Variants in CDKN2B-AS1 observed in about 807,000 individuals in gnomAD.
CDKN2B-AS1 encodes the protein CDKN2B antisense RNA 1 (non-protein coding).
At chr9:22,112,238 G>A (rs181671435) in intron 4 of CDKN2B-AS1, 1 of 152,286 alleles carries the variant, frequency 6.6e-6, no homozygotes, top group East Asian at 1.9e-4. Context: ...CAAAACAAGG[G>A]GTTAAACCAC....
At chr9:22,047,761 A>G (rs1024593095) in intron 2 of CDKN2B-AS1, among the ~76,000 whole-genome samples, 3 of 151,784 alleles carry the variant, frequency 2.0e-5, no homozygotes, top group African/African-American at 4.8e-5. Flanking sequence ...CTGTGGTTAG[A>G]CACTGTTGAT....
intron 1 of CDKN2B-AS1, among the ~76,000 whole-genome samples, chr9:22,024,229 C>T (rs1822133999): frequency 6.6e-6 from 1 of 152,208 alleles, no homozygotes; most frequent in South Asian, 2.1e-4. Flanking sequence ...CTCCCAACTC[C>T]TGGACTGCAT....
chr9:22,124,496 A>C (rs1817988993), intron 4 of CDKN2B-AS1, among the ~76,000 whole-genome samples: 1 of 152,210 alleles, frequency 6.6e-6, no homozygotes, highest in Non-Finnish European at 1.5e-5. Context: ...TGCAGAATCA[A>C]GACAGAGTAG....
intron 4 of CDKN2B-AS1, among the ~76,000 whole-genome samples, chr9:22,098,417 G>T (rs112056351): frequency 6.8e-6 from 1 of 147,436 alleles, no homozygotes; most frequent in Non-Finnish European, 1.5e-5. Context: ...CCATGGGCAA[G>T]AATTTTTTTT....
In CDKN2B-AS1 at chr9:22,076,432, A is replaced by G. The variant is rs184465548; in HGVS notation, n.438+20045A>G. On this transcript the variant is annotated intron_variant and non_coding_transcript_variant, in intron 4 of 4. Coordinates refer to ENST00000650946, the Ensembl canonical transcript of CDKN2B-AS1. ...GAACAGGGTTGTCTAATCAAAATATATAACTATTTATTTTTAATAGCCACA... is the reference window on the plus strand; with the variant it reads ...GAACAGGGTTGTCTAATCAAAATATGTAACTATTTATTTTTAATAGCCACA... Among the ~76,000 whole-genome samples, 449 of 152,358 alleles carry G rather than the reference A, an allele frequency of 2.9e-3. 1 individual carries two copies. Among genetic ancestry groups the G allele is most frequent in the African/African-American group, 0.01 (431 of 41,582 alleles).
At chr9:22,071,514 G>C (rs1824294450) in intron 4 of CDKN2B-AS1, among the ~76,000 whole-genome samples, 1 of 151,966 alleles carries the variant, frequency 6.6e-6, no homozygotes, top group East Asian at 1.9e-4. Context: ...GCTGTCAAAA[G>C]AGCATTGCAT....
intron 4 of CDKN2B-AS1, among the ~76,000 whole-genome samples, chr9:22,057,245 GTTA>G (rs1823609155): frequency 6.6e-6 from 1 of 152,094 alleles, no homozygotes; most frequent in Non-Finnish European, 1.5e-5. Context: ...TCTTCAGTAT[GTTA>G]TAATTTCGTT....
exon 5 of CDKN2B-AS1, among the ~76,000 whole-genome samples, chr9:22,127,851 T>C (rs1818039234): frequency 6.6e-6 from 1 of 152,222 alleles, no homozygotes; most frequent in Non-Finnish European, 1.5e-5. Context: ...ACTTCTCTAG[T>C]ATTGAAGTGA....
chr9:22,048,048 G>C (rs141043892), intron 2 of CDKN2B-AS1, among the ~76,000 whole-genome samples: 2 of 152,054 alleles, frequency 1.3e-5, no homozygotes, highest in African/African-American at 4.8e-5. Context: ...ACCTGCCTCA[G>C]CCTCTCAAAG....
chr9:22,116,206 C>G (rs1360254067), intron 4 of CDKN2B-AS1, among the ~76,000 whole-genome samples: 4 of 152,144 alleles, frequency 2.6e-5, no homozygotes, highest in Admixed American at 6.5e-5. Context: ...ACAAGGTAGT[C>G]TGTACTCCCC....
intron 4 of CDKN2B-AS1, among the ~76,000 whole-genome samples, chr9:22,122,060 A>AC (rs1554682028): frequency 6.9e-6 from 1 of 145,492 alleles, no homozygotes; most frequent in Non-Finnish European, 1.5e-5. Flanking sequence ...AGCATTTGTT[A>AC]TTTTTTTTTT....
chr9:22,041,002 T>A (rs1374663858), intron 1 of CDKN2B-AS1, among the ~76,000 whole-genome samples: 1 of 151,950 alleles, frequency 6.6e-6, no homozygotes, highest in Non-Finnish European at 1.5e-5. Context: ...AGAATCAGAT[T>A]TGATTTCTCT....
chr9:22,105,382 A>T (rs1825622847), intron 4 of CDKN2B-AS1, among the ~76,000 whole-genome samples: 2 of 152,216 alleles, frequency 1.3e-5, no homozygotes, highest in African/African-American at 4.8e-5. Context: ...CAAGTTGTGC[A>T]GCACTTGGGT....
chr9:22,058,778 C>G (rs1250896262), intron 4 of CDKN2B-AS1: 1 of 163,116 alleles, frequency 6.1e-6, no homozygotes, highest in African/African-American at 2.4e-5. Context: ...GATAAAGACC[C>G]AAAATTGGGA....
At position 22,001,833 on chromosome 9, in the gene CDKN2B-AS1, C is replaced by G. The variant is rs1468382368; in HGVS notation, n.29+6672C>G. Reference sequence around the variant, plus strand: ...GTAGTAGAGATGTTACATGAGTTAGCACTCATATATTGAATTAGTTAAGGA... The same window carrying G: ...GTAGTAGAGATGTTACATGAGTTAGGACTCATATATTGAATTAGTTAAGGA... On this transcript the variant is annotated intron_variant and non_coding_transcript_variant, in intron 1 of 4. Coordinates refer to ENST00000650946, the Ensembl canonical transcript of CDKN2B-AS1. The surrounding 1 kb of genome is among the most constrained non-coding windows in gnomAD (Gnocchi z 4.2). 6.6e-6 allele frequency among the ~76,000 whole-genome samples: 1 copy of G among 152,016 alleles called. No individual in the cohort carries two copies. The highest frequency in any genetic ancestry group is 1.9e-4 in the East Asian group (1 of 5,196).
chr9:22,082,064 A>G (rs1824719074), intron 4 of CDKN2B-AS1, among the ~76,000 whole-genome samples: 1 of 152,188 alleles, frequency 6.6e-6, no homozygotes, highest in South Asian at 2.1e-4. Flanking sequence ...ACCTATACTT[A>G]AGAAAATGAC....
chr9:22,023,914 A>G (rs930834479), intron 1 of CDKN2B-AS1, among the ~76,000 whole-genome samples: 4 of 152,100 alleles, frequency 2.6e-5, no homozygotes, highest in East Asian at 3.9e-4. Context: ...ATTCCTATCC[A>G]TATTCTGAAT....
At chr9:22,052,637 G>A (rs1334141898) in intron 3 of CDKN2B-AS1, among the ~76,000 whole-genome samples, 1 of 152,134 alleles carries the variant, frequency 6.6e-6, no homozygotes, top group Admixed American at 6.6e-5. Flanking sequence ...ATCAAAACTC[G>A]TAGAATTTGG....
At position 22,000,102 on chromosome 9, in the gene CDKN2B-AS1, T is replaced by C. The variant is rs934864161; in HGVS notation, n.29+4941T>C. ...TTATTAAATAACAACCACAGGAATATTGGGGCTCAAACCTAGAGATTCTAA... is the reference window on the plus strand; with the variant it reads ...TTATTAAATAACAACCACAGGAATACTGGGGCTCAAACCTAGAGATTCTAA... On this transcript the variant is annotated intron_variant and non_coding_transcript_variant, in intron 1 of 4. Coordinates refer to ENST00000650946, the Ensembl canonical transcript of CDKN2B-AS1. The surrounding 1 kb of genome is among the most constrained non-coding windows in gnomAD (Gnocchi z 4.1). Among the ~76,000 whole-genome samples the C allele has an allele frequency of 1.3e-5, 2 of 152,144 alleles. No individual in the cohort carries two copies. The highest frequency in any genetic ancestry group is 1.3e-4 in the Admixed American group (2 of 15,272).
Sources: gnomAD v4.1 joint callset for allele counts (sites outside exome capture counted in the v4.1 genomes callset) on GRCh38, gnomAD v4.1.1 for gene constraint, Gnocchi (gnomAD v3.1) non-coding constraint, MANE v1.5 for transcripts, NCBI Gene and HGNC (gene_info 2026-07-23, HGNC 2026-07-21) for gene names.